The following NOTCH2NLB variants were observed in gnomAD, a reference collection of about 807,000 sequenced individuals.
The protein encoded by NOTCH2NLB is notch homolog 2 N-terminal-like protein B.
Under a neutral mutation model 14.8 loss-of-function variants are expected in NOTCH2NLB, and 1 was observed. That is an observed-to-expected ratio of 0.07 (90% confidence interval 0.02 to 0.32). The LOEUF is 0.32. Among genes scored for constraint, NOTCH2NLB ranks in the 10% least tolerant of loss-of-function variants. The probability of loss-of-function intolerance (pLI) is 1.00; values close to 1 mark genes in which losing one functional copy is unlikely to be tolerated. For synonymous variants in NOTCH2NLB, 6 were observed against 57.5 expected, an observed-to-expected ratio of 0.10 and a Z score of 4.05; for missense variants, 11 against 155.0, an observed-to-expected ratio of 0.07 and a Z score of 4.93.
intron 1 of NOTCH2NLB, among the ~76,000 whole-genome samples, chr1:148,651,144 G>GA (rs1159790526): frequency 0.017 from 1,291 of 76,254 alleles, 3 homozygotes; most frequent in Middle Eastern, 0.029. Flanking sequence ...CTCTGCCTGA[G>GA]AAAAAAAAAA....
At chr1:148,613,155 G>C (rs1298018721) in intron 3 of NOTCH2NLB, among the ~76,000 whole-genome samples, 1 of 148,912 alleles carries the variant, frequency 6.7e-6, no homozygotes, top group Admixed American at 6.7e-5. Flanking sequence ...CAGCATTTAA[G>C]TATCGTTAAC....
At chr1:148,627,662 C>T (rs1435765135) in intron 2 of NOTCH2NLB, among the ~76,000 whole-genome samples, 7 of 151,844 alleles carry the variant, frequency 4.6e-5, no homozygotes, top group African/African-American at 1.7e-4. Context: ...ATGGCTAAGC[C>T]CTAAAATTTC....
At chr1:148,607,669 G>T in exon 4 of NOTCH2NLB, 1 of 1,363,620 alleles carries the variant, frequency 7.3e-7, no homozygotes, top group Non-Finnish European at 1.0e-6. Context: ...AGGAGAACTG[G>T]TTGGCCACAG....
At chr1:148,625,344 T>C (rs1188772571) in intron 2 of NOTCH2NLB, among the ~76,000 whole-genome samples, 3 of 90,370 alleles carry the variant, frequency 3.3e-5, no homozygotes, top group African/African-American at 1.6e-4. Flanking sequence ...TTTAGCTTTT[T>C]TTTTTTTTTT....
intron 1 of NOTCH2NLB, among the ~76,000 whole-genome samples, chr1:148,651,162 A>AAAAT (rs1553341433): frequency 4.3e-4 from 20 of 46,028 alleles, no homozygotes; most frequent in East Asian, 9.1e-4. Flanking sequence ...AAAAAAAAAA[A>AAAAT]ATATATATAT....
intron 1 of NOTCH2NLB, among the ~76,000 whole-genome samples, chr1:148,674,480 CTTAA>C (rs1162144555): frequency 5.4e-5 from 3 of 55,412 alleles, no homozygotes; most frequent in Admixed American, 3.5e-4. Context: ...TCAGCCACTC[CTTAA>C]TTAATTAAAA....
At chr1:148,609,619 G>C (rs1663620020) in intron 3 of NOTCH2NLB, among the ~76,000 whole-genome samples, 1 of 144,050 alleles carries the variant, frequency 6.9e-6, no homozygotes, top group Non-Finnish European at 1.5e-5. Flanking sequence ...CCAGTACTGG[G>C]ATGGCGAGAA....
rs1264031037 is a variant in NOTCH2NLB at position 148,670,109 on chromosome 1, T to C, written c.3+9353A>G. On this transcript the variant is annotated intron_variant, in intron 1 of 4. Transcript: ENST00000593495. The stretch of plus-strand genomic sequence containing the variant: ...CAGAAAATAGCAGTTAACAAATGAA[T>C]TAACCAATATCATTAGAAACCAAAG... Among the ~76,000 whole-genome samples the C allele has an allele frequency of 7.0e-5, 6 of 85,732 alleles. 1 individual carries two copies. The highest frequency in any genetic ancestry group is 1.3e-4 in the Non-Finnish European group (5 of 38,556). 56.2% of individuals were successfully genotyped at this position (85,732 alleles called of 152,430 possible).
At chr1:148,627,613 G>A (rs1457650055) in intron 2 of NOTCH2NLB, among the ~76,000 whole-genome samples, 9 of 151,160 alleles carry the variant, frequency 6.0e-5, no homozygotes, top group South Asian at 4.2e-4. Context: ...CTCTGTACAC[G>A]CTGTTCAGTC....
intron 2 of NOTCH2NLB, among the ~76,000 whole-genome samples, chr1:148,632,912 C>A (rs1354374060): frequency 3.4e-5 from 4 of 118,954 alleles, no homozygotes; most frequent in Non-Finnish European, 6.6e-5. Context: ...TCTATTTCAT[C>A]CACAGTTATT....
chr1:148,648,146 G>GA (rs1664412408), intron 1 of NOTCH2NLB, among the ~76,000 whole-genome samples: 8 of 140,912 alleles, frequency 5.7e-5, no homozygotes, highest in African/African-American at 2.1e-4. Flanking sequence ...TGAACTCATT[G>GA]CAAAAAAAAT....
intron 3 of NOTCH2NLB, among the ~76,000 whole-genome samples, chr1:148,608,577 G>T (rs1663584100): frequency 6.6e-6 from 1 of 151,740 alleles, no homozygotes; most frequent in African/African-American, 2.4e-5. Flanking sequence ...TGGCAGGGTT[G>T]GGTCTCCGTG....
chr1:148,623,948 A>G (rs1663939455), intron 2 of NOTCH2NLB, among the ~76,000 whole-genome samples: 1 of 87,256 alleles, frequency 1.1e-5, no homozygotes, highest in East Asian at 5.0e-4. Context: ...TCAACCTAAT[A>G]GTCACCCTGA....
At chr1:148,679,524 A>G in exon 1 of NOTCH2NLB, 1 of 1,130,414 alleles carries the variant, frequency 8.8e-7, no homozygotes, top group Non-Finnish European at 1.1e-6. Flanking sequence ...AGCGGGGCGC[A>G]GGGCGGGCAT....
rs1241508240 is a variant in NOTCH2NLB, at chr1:148,610,365, GAA to G, written c.338-2622_338-2621del. On this transcript the variant is annotated intron_variant, in intron 3 of 4. Transcript: ENST00000593495. ...AGAAAGAAAGAAAGAAAGAAAGAAAGAAAGAAAGAGAAAGAAAGAAAGAAAGA... is the reference window on the plus strand; with the variant it reads ...AGAAAGAAAGAAAGAAAGAAAGAAAGAGAAAGAGAAAGAAAGAAAGAAAGA... Among the ~76,000 whole-genome samples the G allele has an allele frequency of 3.4e-4, 40 of 119,238 alleles. 1 individual carries two copies. The highest frequency in any genetic ancestry group is 1.2e-3 in the African/African-American group (35 of 28,280). The allele number at this position is 119,238 out of a possible 152,430, so 78.2% of individuals were successfully genotyped here.
chr1:148,679,499 C>T, exon 1 of NOTCH2NLB: 1 of 1,126,406 alleles, frequency 8.9e-7, no homozygotes, highest in South Asian at 1.9e-5. Context: ...AGAGCGCCAG[C>T]AGCGCCCACA....
upstream of NOTCH2NLB, chr1:148,679,834 G>A (rs1411000755): frequency 9.7e-3 from 2,193 of 225,818 alleles, 243 homozygotes; most frequent in Middle Eastern, 0.048. Flanking sequence ...CCCCACTGTC[G>A]CCGCGGCCTC....
At chr1:148,607,605 A>C in exon 4 of NOTCH2NLB, 1 of 1,572,762 alleles carries the variant, frequency 6.4e-7, no homozygotes, top group Non-Finnish European at 8.6e-7. Flanking sequence ...GGAATGTCAC[A>C]CTCATTGACA....
At chr1:148,636,401 A>AT (rs1163768573) in intron 2 of NOTCH2NLB, among the ~76,000 whole-genome samples, 1 of 41,186 alleles carries the variant, frequency 2.4e-5, no homozygotes, top group Admixed American at 2.3e-4. Flanking sequence ...GATTCCTTCT[A>AT]TTTTAAAACA....
Sources: gnomAD v4.1 joint callset for allele counts (sites outside exome capture counted in the v4.1 genomes callset) on GRCh38, gnomAD v4.1.1 for gene constraint, MANE v1.5 for transcripts, NCBI Gene and HGNC (gene_info 2026-07-23, HGNC 2026-07-21) for gene names.